GRID2: variants seen among roughly 807,000 people sequenced by gnomAD.
The protein encoded by GRID2 is glutamate ionotropic receptor delta type subunit 2, also known as glutamate receptor ionotropic, delta-2.
GRID2 carries 33 observed loss-of-function variants against 114.8 expected under a neutral mutation model. That is an observed-to-expected ratio of 0.29 (90% CI 0.22 to 0.38). The LOEUF (loss-of-function observed/expected upper bound fraction) is 0.38. Ranked by LOEUF, GRID2 falls within the 10% of genes least tolerant of loss-of-function variation. The pLI is 1.00. For synonymous variants in GRID2, 505 were observed against 449.9 expected, an observed-to-expected ratio of 1.12 and a Z score of -1.55; for missense variants, 1,184 against 1,257.7, an observed-to-expected ratio of 0.94 and a Z score of 0.89.
chr4:92,741,571 T>C (rs1469438591), intron 2 of GRID2, among the ~76,000 whole-genome samples: 1 of 152,166 alleles, frequency 6.6e-6, no homozygotes, highest in African/African-American at 2.4e-5. Context: ...ATTCATACTT[T>C]TATTTCATCC....
At chr4:92,484,319 T>G (rs1722762222) in intron 1 of GRID2, among the ~76,000 whole-genome samples, 1 of 152,078 alleles carries the variant, frequency 6.6e-6, no homozygotes, top group African/African-American at 2.4e-5. Flanking sequence ...AGTAATTCCC[T>G]TGAAGAAAGT....
At chr4:92,846,135 G>A (rs760535426) in intron 2 of GRID2, among the ~76,000 whole-genome samples, 44 of 152,046 alleles carry the variant, frequency 2.9e-4, no homozygotes, top group Non-Finnish European at 5.1e-4. Context: ...CTGGGATGAT[G>A]TGTCTAGCTT....
chr4:92,939,751 A>G lies in GRID2; in HGVS notation c.245-145244A>G, dbSNP rs1381514424. ...ATGAATTAATTTTGGTATAAGGTGT[A>G]AGGAAGGGATCCAGTTTCAGCTTTC... is the stretch of plus-strand genomic sequence containing the variant. On this transcript the variant is annotated intron_variant, in intron 2 of 15. Transcript: ENST00000282020. Among the ~76,000 whole-genome samples, 8 of 147,448 alleles carry G rather than the reference A, an allele frequency of 5.4e-5. 2 individuals are homozygous for G. The South Asian group carries it at 1.8e-3, about 34-fold the overall frequency.
At chr4:93,346,602 C>G (rs1760259751) in intron 8 of GRID2, among the ~76,000 whole-genome samples, 1 of 152,100 alleles carries the variant, frequency 6.6e-6, no homozygotes, top group African/African-American at 2.4e-5. Context: ...CTCAGTTTTC[C>G]CACCAAAGCC....
In GRID2 at chr4:92,934,564, G is replaced by C. The variant is rs1750500711; in HGVS notation, c.245-150431G>C. ...TTAAAGTTCATATGGAACCAAAAAAGAGCCTGCATCGCCAAGTCAATCCTA... is the reference window on the plus strand; with the variant it reads ...TTAAAGTTCATATGGAACCAAAAAACAGCCTGCATCGCCAAGTCAATCCTA... On this transcript the variant is annotated intron_variant, in intron 2 of 15. Transcript: ENST00000282020. Among the ~76,000 whole-genome samples, 2 of 146,284 alleles carry C rather than the reference G, an allele frequency of 1.4e-5. 1 individual carries two copies.
intron 11 of GRID2, among the ~76,000 whole-genome samples, chr4:93,478,756 T>C (rs1725573575): frequency 1.3e-5 from 2 of 151,866 alleles, no homozygotes; most frequent in South Asian, 4.1e-4. Flanking sequence ...ACAAATAATA[T>C]AAAAGTGGTG....
chr4:92,835,546 T>A (rs1258913459), intron 2 of GRID2, among the ~76,000 whole-genome samples: 1 of 152,136 alleles, frequency 6.6e-6, no homozygotes, highest in African/African-American at 2.4e-5. Flanking sequence ...GCCTTCTACA[T>A]CAGAATTGCA....
rs1315614216 is a variant in GRID2, at chr4:92,810,182, T to G, written c.244+219896T>G. Among the ~76,000 whole-genome samples, 3 of 152,032 alleles carry G rather than the reference T, an allele frequency of 2.0e-5. No individual in the cohort carries two copies. In the South Asian group the frequency reaches 6.2e-4, roughly 31 times the overall value. On this transcript the variant is annotated intron_variant, in intron 2 of 15. Coordinates refer to ENST00000282020, the MANE Select transcript of GRID2 (RefSeq NM_001510.4). ...CTTATGTCTCTGAAAGAACTTAAAA[T>G]TTTTTGAAAATTCATTCAGTTACAG...
chr4:92,938,128 C>T (rs1475859078), intron 2 of GRID2, among the ~76,000 whole-genome samples: 1 of 146,790 alleles, frequency 6.8e-6, no homozygotes, highest in Admixed American at 7.4e-5. Flanking sequence ...TTTGTTTTAT[C>T]AATATGGTAT....
chr4:92,713,841 A>G (rs1041005032), intron 2 of GRID2, among the ~76,000 whole-genome samples: 1 of 151,960 alleles, frequency 6.6e-6, no homozygotes, highest in East Asian at 1.9e-4. Context: ...GGTCCCTCCC[A>G]TAACACTTAG....
At chr4:92,900,872 A>G (rs985988351) in intron 2 of GRID2, among the ~76,000 whole-genome samples, 1 of 148,870 alleles carries the variant, frequency 6.7e-6, no homozygotes, top group Admixed American at 6.7e-5. Context: ...AATGCCTTAC[A>G]GTTTCATCCA....
At chr4:93,214,045 T>G (rs1479031961) in intron 5 of GRID2, among the ~76,000 whole-genome samples, 1 of 152,040 alleles carries the variant, frequency 6.6e-6, no homozygotes, top group African/African-American at 2.4e-5. Context: ...TTTATGAATA[T>G]ACTCAATAAA....
At chr4:93,298,623 C>T (rs750851752) in intron 8 of GRID2, among the ~76,000 whole-genome samples, 4 of 152,216 alleles carry the variant, frequency 2.6e-5, no homozygotes, top group Non-Finnish European at 5.9e-5. Flanking sequence ...AAGATATTCT[C>T]TCTAAATAAG....
chr4:93,117,215 T>C (rs549462980), intron 4 of GRID2, among the ~76,000 whole-genome samples: 2 of 152,266 alleles, frequency 1.3e-5, no homozygotes, highest in Non-Finnish European at 2.9e-5. Context: ...CTGGAGGTAG[T>C]GCTAGCTTTT....
chr4:92,588,415 G>T (rs1485324829), intron 1 of GRID2, among the ~76,000 whole-genome samples: 2 of 151,848 alleles, frequency 1.3e-5, no homozygotes, highest in African/African-American at 2.4e-5. Flanking sequence ...GGTGGCTCAC[G>T]CCTGTAATGC....
At chr4:93,576,883 A>G (rs1736477108) in intron 13 of GRID2, among the ~76,000 whole-genome samples, 1 of 152,194 alleles carries the variant, frequency 6.6e-6, no homozygotes, top group Admixed American at 6.5e-5. Flanking sequence ...GGGTGAAGAA[A>G]AGAAAGAGGA....
intron 2 of GRID2, among the ~76,000 whole-genome samples, chr4:92,751,915 A>G (rs186594554): frequency 5.9e-5 from 9 of 152,352 alleles, no homozygotes; most frequent in East Asian, 3.9e-4. Flanking sequence ...TAAGACTTCA[A>G]TAGCCACCTA....
At chr4:93,375,618 C>T (rs989526345) in intron 8 of GRID2, among the ~76,000 whole-genome samples, 32 of 152,120 alleles carry the variant, frequency 2.1e-4, no homozygotes, top group African/African-American at 7.2e-4. Context: ...TGCTATTTCA[C>T]CATCACACTT....
At chr4:93,680,999 TG>T (rs1305997082) in intron 14 of GRID2, among the ~76,000 whole-genome samples, 3 of 151,462 alleles carry the variant, frequency 2.0e-5, no homozygotes, top group Non-Finnish European at 4.4e-5. Flanking sequence ...TGTCCCTGTT[TG>T]CAGATGACAT....
Sources: gnomAD v4.1 joint callset for allele counts (sites outside exome capture counted in the v4.1 genomes callset) on GRCh38, gnomAD v4.1.1 for gene constraint, MANE v1.5 for transcripts, NCBI Gene and HGNC (gene_info 2026-07-23, HGNC 2026-07-21) for gene names.